Variants in KCNJ3 observed in about 807,000 individuals in gnomAD.
KCNJ3 encodes G protein-activated inward rectifier potassium channel 1.
Under a neutral mutation model 39.2 loss-of-function variants are expected in KCNJ3, and 4 were observed. The ratio of observed to expected loss-of-function variants is 0.10; its 90% CI spans 0.05 to 0.23. KCNJ3 has a LOEUF of 0.23. Among genes scored for constraint, KCNJ3 ranks in the 10% least tolerant of loss-of-function variants. The pLI is 1.00. For missense variants in KCNJ3, 276 were observed against 634.9 expected (o/e 0.43, Z 6.08); for synonymous variants, 230 against 237.4 (o/e 0.97, Z 0.29).
intron 2 of KCNJ3, among the ~76,000 whole-genome samples, chr2:154,820,158 G>C (rs1687148483): frequency 6.6e-6 from 1 of 152,074 alleles, no homozygotes; most frequent in East Asian, 1.9e-4. Context: ...AATTCCACCA[G>C]TTGTTTTCAT....
At chr2:154,839,497 G>A (rs997540950) in intron 2 of KCNJ3, among the ~76,000 whole-genome samples, 2 of 152,160 alleles carry the variant, frequency 1.3e-5, no homozygotes, top group African/African-American at 2.4e-5. Flanking sequence ...CTAGATCCTT[G>A]AGAAATTGCC....
At chr2:154,842,451 T>C (rs1687591462) in intron 2 of KCNJ3, among the ~76,000 whole-genome samples, 2 of 152,218 alleles carry the variant, frequency 1.3e-5, no homozygotes, top group Non-Finnish European at 2.9e-5. Flanking sequence ...AGATGTCTAT[T>C]AGGTCTGCTT....
chr2:154,767,710 G>C (rs1318310524), intron 2 of KCNJ3, among the ~76,000 whole-genome samples: 2 of 152,172 alleles, frequency 1.3e-5, no homozygotes, highest in Non-Finnish European at 2.9e-5. Context: ...CCAGTAATGG[G>C]ATGGCTGGGT....
At chr2:154,730,760 C>T (rs1009728382) in intron 2 of KCNJ3, among the ~76,000 whole-genome samples, 1 of 151,962 alleles carries the variant, frequency 6.6e-6, no homozygotes, top group African/African-American at 2.4e-5. Flanking sequence ...TCTTTTCTCT[C>T]CATTCTTTTT....
intron 2 of KCNJ3, among the ~76,000 whole-genome samples, chr2:154,791,750 A>T (rs939696061): frequency 7.0e-4 from 106 of 152,090 alleles, no homozygotes; most frequent in African/African-American, 2.5e-3. Context: ...AATACAGCCA[A>T]GGTTAGTGAT....
At chr2:154,729,865 C>T (rs1004800635) in intron 2 of KCNJ3, among the ~76,000 whole-genome samples, 1 of 151,928 alleles carries the variant, frequency 6.6e-6, no homozygotes, top group African/African-American at 2.4e-5. Flanking sequence ...AGTAGAAAAC[C>T]CAACCAACCA....
intron 2 of KCNJ3, among the ~76,000 whole-genome samples, chr2:154,785,627 T>C: frequency 6.6e-6 from 1 of 152,120 alleles, no homozygotes; most frequent in East Asian, 1.9e-4. Flanking sequence ...GTGCTTACCC[T>C]CCCCAGATGC....
intron 2 of KCNJ3, among the ~76,000 whole-genome samples, chr2:154,752,770 T>C (rs1321709440): frequency 6.6e-6 from 1 of 152,032 alleles, no homozygotes; most frequent in Non-Finnish European, 1.5e-5. Flanking sequence ...AAGTGTTAGT[T>C]AGCTTGAAAT....
chr2:154,850,554 C>T (rs186565525), intron 2 of KCNJ3, among the ~76,000 whole-genome samples: 1 of 152,214 alleles, frequency 6.6e-6, no homozygotes, highest in Admixed American at 6.5e-5. Context: ...TTTCTGTTAT[C>T]CAATTTATAA....
chr2:154,825,341 G>A (rs1281709958), intron 2 of KCNJ3, among the ~76,000 whole-genome samples: 3 of 152,068 alleles, frequency 2.0e-5, no homozygotes, highest in Non-Finnish European at 4.4e-5. Context: ...TTCATTGCTA[G>A]TTTCTTAGGT....
At chr2:154,808,301 G>C (rs931257019) in intron 2 of KCNJ3, among the ~76,000 whole-genome samples, 1 of 151,812 alleles carries the variant, frequency 6.6e-6, no homozygotes, top group Non-Finnish European at 1.5e-5. Context: ...GGGTGGTCTT[G>C]AACTCCTGAC....
intron 1 of KCNJ3, among the ~76,000 whole-genome samples, chr2:154,701,096 T>C (rs1190285773): frequency 6.6e-6 from 1 of 152,156 alleles, no homozygotes; most frequent in East Asian, 1.9e-4. Flanking sequence ...AGTTGTGTTG[T>C]AGATATGTTT....
rs370674705 is a variant in KCNJ3 at position 154,778,748 on chromosome 2, A to G, written c.919+68929A>G. Among the ~76,000 whole-genome samples the G allele has an allele frequency of 1.1e-3, 161 of 152,288 alleles. 2 individuals carry two copies. In the South Asian group the frequency reaches 0.033, roughly 31 times the overall value. Reference sequence around the variant, plus strand: ...AAAACAATAATATTCTTATAAAATTATAGTTGAGATTGGGAATAATTCTTT... The same window carrying G: ...AAAACAATAATATTCTTATAAAATTGTAGTTGAGATTGGGAATAATTCTTT... On this transcript the variant is annotated intron_variant, in intron 2 of 2. Transcript: ENST00000295101.
At chr2:154,755,852 C>A (rs1369252375) in intron 2 of KCNJ3, among the ~76,000 whole-genome samples, 1 of 151,970 alleles carries the variant, frequency 6.6e-6, no homozygotes, top group Non-Finnish European at 1.5e-5. Context: ...CTTGTACTAG[C>A]TTTCTGATAT....
chr2:154,769,844 A>G (rs530918234), intron 2 of KCNJ3, among the ~76,000 whole-genome samples: 3 of 151,992 alleles, frequency 2.0e-5, no homozygotes, highest in African/African-American at 7.2e-5. Context: ...TTATATGACA[A>G]TGTTGGGATA....
At chr2:154,847,591 T>TTTTC (rs1553462663) in intron 2 of KCNJ3, among the ~76,000 whole-genome samples, 3 of 151,958 alleles carry the variant, frequency 2.0e-5, no homozygotes, top group African/African-American at 7.2e-5. Flanking sequence ...TTCAGGATTT[T>TTTTC]TTCTTCTGTG....
At chr2:154,805,307 G>A (rs567305831) in intron 2 of KCNJ3, among the ~76,000 whole-genome samples, 28 of 152,258 alleles carry the variant, frequency 1.8e-4, no homozygotes, top group African/African-American at 6.5e-4. Flanking sequence ...GCAGATTGCT[G>A]AAATTGTGTA....
At chr2:154,703,919 A>C (rs1263564477) in intron 1 of KCNJ3, among the ~76,000 whole-genome samples, 1 of 152,092 alleles carries the variant, frequency 6.6e-6, no homozygotes, top group East Asian at 1.9e-4. Context: ...GCCATTAGTA[A>C]AAATATTCAA....
chr2:154,734,714 A>G (rs1379310743), intron 2 of KCNJ3, among the ~76,000 whole-genome samples: 1 of 152,104 alleles, frequency 6.6e-6, no homozygotes, highest in Non-Finnish European at 1.5e-5. Flanking sequence ...GGAGATGGAG[A>G]GAGTGAAAGG....
Sources: gnomAD v4.1 joint callset for allele counts (sites outside exome capture counted in the v4.1 genomes callset) on GRCh38, gnomAD v4.1.1 for gene constraint, MANE v1.5 for transcripts, NCBI Gene and HGNC (gene_info 2026-07-23, HGNC 2026-07-21) for gene names.